Variants in FOXN3 observed in about 807,000 individuals in gnomAD.
FOXN3 encodes the protein forkhead box protein N3.
FOXN3 carries 7 observed loss-of-function variants against 38.4 expected under a neutral mutation model. That is an observed-to-expected ratio of 0.18 (90% confidence interval 0.10 to 0.34). The LOEUF (loss-of-function observed/expected upper bound fraction) is 0.34. FOXN3 is among the 10% of genes least tolerant of loss of function. The pLI, the probability that FOXN3 is intolerant of heterozygous loss-of-function variation, is 1.00. For missense variants in FOXN3, 456 were observed against 613.4 expected, an observed-to-expected ratio of 0.74 and a Z score of 2.71; for synonymous variants, 230 against 242.2, an observed-to-expected ratio of 0.95 and a Z score of 0.47.
chr14:89,604,242 TGCGCGCACACACACGC>T (rs1473006736), intron 1 of FOXN3, among the ~76,000 whole-genome samples: 16 of 120,544 alleles, frequency 1.3e-4, no homozygotes, highest in South Asian at 5.6e-4. Flanking sequence ...CACACACACG[TGCGCGCACACACACGC>T]GCGCGCACAC....
Position 89,518,122 on chromosome 14 carries a change from C to G in FOXN3, c.-15+100906G>C, listed in dbSNP as rs201031814. 1.3e-4 allele frequency among the ~76,000 whole-genome samples: 20 copies of G among 152,304 alleles called. No individual in the cohort carries two copies. The East Asian group carries it at 3.9e-3, about 29-fold the overall frequency. On this transcript the variant is annotated intron_variant, in intron 1 of 6. Coordinates refer to the FOXN3 transcript ENST00000345097. ...CTACTGCCTTCAAAGCAATCTGACC[C>G]AGAAGCTCCCTGTCATGCTGCTGAG...
Position 89,431,586 on chromosome 14 carries a change from CTGTT to C in FOXN3, c.-14-19100_-14-19097del, listed in dbSNP as rs540457105. Among the ~76,000 whole-genome samples, 35 of 152,242 alleles carry C rather than the reference CTGTT, an allele frequency of 2.3e-4. No individual in the cohort carries two copies. The East Asian group carries it at 2.5e-3, about 11-fold the overall frequency. On this transcript the variant is annotated intron_variant, in intron 1 of 6. Coordinates refer to the FOXN3 transcript ENST00000345097. ...ACCCTCTGTGCAAGAGTTCTTGCAGCTGTTTGTTTTTGTTTTTTTATTTTGTTTC... is the reference window on the plus strand; with the variant it reads ...ACCCTCTGTGCAAGAGTTCTTGCAGCTGTTTTTGTTTTTTTATTTTGTTTC...
upstream of FOXN3, chr14:89,417,738 C>T: frequency 2.2e-6 from 1 of 456,000 alleles, no homozygotes; most frequent in Non-Finnish European, 4.4e-6. Flanking sequence ...GTGCTGCGTC[C>T]TGATAGGACC....
chr14:89,161,586 TGTGTGTGTGTGCGTGC>T lies in FOXN3; in HGVS notation c.*812_*827del, dbSNP rs1199459533. ...GTGTGTGTGTGTGTGTGTGTGTGTG[TGTGTGTGTGTGCGTGC>T]GTGCACAGGGCCAATCTTCAGGCTT... On this transcript the variant is annotated 3_prime_UTR_variant, in exon 6 of 6. Coordinates refer to ENST00000557258, the MANE Select transcript of FOXN3 (RefSeq NM_005197.4). 8.8e-5 allele frequency: 13 copies of T among 147,750 alleles called. No individual in the cohort carries two copies. Among genetic ancestry groups the T allele is most frequent in the African/African-American group, 3.0e-4 (12 of 39,666 alleles). The allele number at this position is 147,750 out of a possible 1,614,324, so 9.2% of individuals were successfully genotyped here. A position where few individuals can be genotyped will look rare whatever the true frequency, so the allele number is the denominator to read the frequency against.
At chr14:89,259,464 C>T (rs7141799) in intron 4 of FOXN3, among the ~76,000 whole-genome samples, 4,523 of 152,212 alleles carry the variant, frequency 0.03, 192 homozygotes, top group African/African-American at 0.1. Flanking sequence ...CTAGAATTTA[C>T]AATATTAATT....
At chr14:89,520,341 G>A (rs1178045957) in intron 1 of FOXN3, among the ~76,000 whole-genome samples, 3 of 152,204 alleles carry the variant, frequency 2.0e-5, no homozygotes, top group African/African-American at 7.2e-5. Flanking sequence ...CTCAAGCAAC[G>A]GGTTTTTTAA....
At chr14:89,472,025 G>A (rs191056614) in intron 1 of FOXN3, among the ~76,000 whole-genome samples, 2 of 152,324 alleles carry the variant, frequency 1.3e-5, no homozygotes, top group Non-Finnish European at 2.9e-5. Context: ...GGAGGCCAAG[G>A]TGGGAGGATC....
At chr14:89,255,541 G>A (rs1596134771) in intron 4 of FOXN3, among the ~76,000 whole-genome samples, 2 of 152,094 alleles carry the variant, frequency 1.3e-5, no homozygotes, top group South Asian at 4.1e-4. Context: ...AATGCCAGAG[G>A]CTAGATGGGA....
At chr14:89,519,259 G>A (rs1337932776) in intron 1 of FOXN3, among the ~76,000 whole-genome samples, 3 of 152,202 alleles carry the variant, frequency 2.0e-5, no homozygotes, top group Admixed American at 1.3e-4. Context: ...TTTCCCTGCC[G>A]TCCAGAGGTG....
At chr14:89,296,694 G>C (rs1887050343) in intron 3 of FOXN3, among the ~76,000 whole-genome samples, 1 of 152,204 alleles carries the variant, frequency 6.6e-6, no homozygotes, top group African/African-American at 2.4e-5. Context: ...GGAGCGCAAT[G>C]GCACGATTTC....
At chr14:89,215,347 A>G (rs74244513) in intron 4 of FOXN3, among the ~76,000 whole-genome samples, 1 of 148,846 alleles carries the variant, frequency 6.7e-6, no homozygotes, top group East Asian at 2.0e-4. Context: ...GAGAATAGAG[A>G]TTTTTTTTTT....
chr14:89,338,439 A>T (rs1459992735), intron 3 of FOXN3, among the ~76,000 whole-genome samples: 1 of 152,230 alleles, frequency 6.6e-6, no homozygotes, highest in East Asian at 1.9e-4. Context: ...AGGGGAAAGC[A>T]CAGAACATAA....
intron 1 of FOXN3, among the ~76,000 whole-genome samples, chr14:89,468,074 TA>T (rs551070394): frequency 7.4e-4 from 109 of 147,570 alleles, no homozygotes; most frequent in African/African-American, 2.8e-3. Context: ...ATAATTTGAT[TA>T]TTTTTTTTTT....
rs532087475 is a variant in FOXN3 at position 89,359,265 on chromosome 14, C to T, written c.544-8457G>A. 4.8e-3 allele frequency among the ~76,000 whole-genome samples: 734 copies of T among 151,724 alleles called. 9 individuals carry two copies. The highest frequency in any genetic ancestry group is 0.037 in the Middle Eastern group (11 of 294). On this transcript the variant is annotated intron_variant, in intron 2 of 5. Coordinates refer to ENST00000557258, the MANE Select transcript of FOXN3 (RefSeq NM_005197.4). ...GAGCCGAGATCACGCCACTGCACTC[C>T]AGCCTGGGCAACAGAGCGAGACTCC...
chr14:89,417,934 G>A (rs183323021), upstream of FOXN3: 2 of 339,358 alleles, frequency 5.9e-6, no homozygotes, highest in Admixed American at 3.9e-5. Flanking sequence ...CGCCCCGGCC[G>A]GCCTAGAGAG....
intron 1 of FOXN3, among the ~76,000 whole-genome samples, chr14:89,521,117 C>G (rs1357566508): frequency 6.6e-6 from 1 of 152,150 alleles, no homozygotes; most frequent in African/African-American, 2.4e-5. Flanking sequence ...ACAGACCATC[C>G]TGGCCAACGT....
chr14:89,283,918 T>C (rs1418129725), intron 3 of FOXN3, among the ~76,000 whole-genome samples: 1 of 152,166 alleles, frequency 6.6e-6, no homozygotes, highest in Non-Finnish European at 1.5e-5. Context: ...TGGAGTGCAG[T>C]GGTGCGATCT....
At chr14:89,361,356 T>TCCA (rs1373685499) in intron 2 of FOXN3, among the ~76,000 whole-genome samples, 6 of 4,566 alleles carry the variant, frequency 1.3e-3, no homozygotes, top group African/African-American at 2.7e-3. Context: ...CAGCACCACC[T>TCCA]CCACCACCAC....
chr14:89,524,404 G>GAAAAAAAAAAAAAAAAA (rs1894391517), intron 1 of FOXN3, among the ~76,000 whole-genome samples: 1 of 25,600 alleles, frequency 3.9e-5, no homozygotes, highest in Non-Finnish European at 6.1e-5. Flanking sequence ...AAAAAAAAAA[G>GAAAAAAAAAAAAAAAAA]AAAGAAAGAA....
Sources: allele counts gnomAD v4.1 joint callset (sites outside exome capture counted in the v4.1 genomes callset), GRCh38; gene constraint gnomAD v4.1.1; transcripts MANE v1.5; gene names NCBI Gene and HGNC (gene_info 2026-07-23, HGNC 2026-07-21).